Variants in PTGER3 observed in about 807,000 individuals in gnomAD.
PTGER3 encodes prostaglandin E receptor 3.
Under a neutral mutation model 34.7 loss-of-function variants are expected in PTGER3, and 22 were observed. The ratio of observed to expected loss-of-function variants is 0.63; its 90% CI spans 0.45 to 0.91. The LOEUF is 0.91. PTGER3 is among the 40% of genes least tolerant of loss of function. PTGER3 has a pLI of 0.00. For missense variants in PTGER3, 468 were observed against 519.4 expected (o/e 0.90, Z 0.96); for synonymous variants, 241 against 230.1 (o/e 1.05, Z -0.43).
intron 4 of PTGER3, among the ~76,000 whole-genome samples, chr1:70,874,523 T>C (rs923069364): frequency 1.3e-5 from 2 of 152,246 alleles, no homozygotes; most frequent in African/African-American, 4.8e-5. Flanking sequence ...GTTAGGCCTC[T>C]CTGTGTTCTA....
At chr1:70,909,888 A>G (rs969341325) in intron 4 of PTGER3, among the ~76,000 whole-genome samples, 1 of 152,244 alleles carries the variant, frequency 6.6e-6, no homozygotes. Flanking sequence ...AGAATCAGAA[A>G]GAACTGATTT....
intron 4 of PTGER3, among the ~76,000 whole-genome samples, chr1:70,944,402 G>T (rs1438186677): frequency 2.0e-5 from 3 of 152,080 alleles, no homozygotes; most frequent in Non-Finnish European, 2.9e-5. Context: ...ACCATGAAAA[G>T]AGTACCTTTG....
chr1:70,869,300 C>T (rs1286859183), intron 4 of PTGER3: 2 of 471,708 alleles, frequency 4.2e-6, no homozygotes, highest in South Asian at 1.5e-5. Context: ...ACAAAAACAC[C>T]TTCCATCAGG....
At chr1:71,014,911 T>C (rs3765892) in intron 1 of PTGER3, among the ~76,000 whole-genome samples, 49,388 of 152,012 alleles carry the variant, frequency 0.32, 8,874 homozygotes, top group South Asian at 0.45. Context: ...ATCATCAATG[T>C]CTTCCCATTG....
rs1487698090 is a variant in PTGER3, at chr1:71,012,384, C to A, written c.998G>T (p.Arg333Leu). ...CAAGATCTGGTTCAGTGAAGCCAGGCGAACAGCTATTAAGAAGAAGTTGCA... is the reference window on the plus strand; with the variant it reads ...CAAGATCTGGTTCAGTGAAGCCAGGAGAACAGCTATTAAGAAGAAGTTGCA... The part of the protein sequence containing the change: ...KECNFFLIAV[R>L]LASLNQILDP... The change falls in exon 2 of 4, where the codon CGC becomes CTC. Residue 333 changes from arginine to leucine, a missense_variant. Coordinates refer to ENST00000306666, the MANE Select transcript of PTGER3 (RefSeq NM_198719.2). The A allele has an allele frequency of 6.2e-7, 1 of 1,614,152 alleles. No individual in the cohort carries two copies. The highest frequency in any genetic ancestry group is 8.5e-7 in the Non-Finnish European group (1 of 1,180,012).
intron 4 of PTGER3, among the ~76,000 whole-genome samples, chr1:70,923,260 A>G (rs890747994): frequency 9.9e-5 from 15 of 152,058 alleles, no homozygotes; most frequent in Admixed American, 3.9e-4. Context: ...ATATGTTCCA[A>G]AATTATGGGA....
intron 4 of PTGER3, among the ~76,000 whole-genome samples, chr1:70,898,641 T>A (rs1365964217): frequency 6.6e-6 from 1 of 152,192 alleles, no homozygotes; most frequent in African/African-American, 2.4e-5. Context: ...GGCCACTTAC[T>A]AGCTATGTAC....
At chr1:71,027,933 C>A (rs1307805085) in intron 1 of PTGER3, among the ~76,000 whole-genome samples, 2 of 152,140 alleles carry the variant, frequency 1.3e-5, no homozygotes, top group Non-Finnish European at 2.9e-5. Context: ...AGGCAAATAA[C>A]CATATGTGGC....
At chr1:71,030,844 T>G (rs1318786688) in intron 1 of PTGER3, among the ~76,000 whole-genome samples, 2 of 152,098 alleles carry the variant, frequency 1.3e-5, no homozygotes, top group Admixed American at 6.6e-5. Flanking sequence ...TGATTTTTTT[T>G]TTACTATTCT....
At chr1:71,022,361 G>A (rs1658495112) in intron 1 of PTGER3, among the ~76,000 whole-genome samples, 1 of 151,808 alleles carries the variant, frequency 6.6e-6, no homozygotes, top group Non-Finnish European at 1.5e-5. Context: ...AATTAATTAT[G>A]GCTTACTAAA....
At chr1:70,981,208 G>A (rs2100722710) in intron 2 of PTGER3, among the ~76,000 whole-genome samples, 1 of 151,828 alleles carries the variant, frequency 6.6e-6, no homozygotes, top group Non-Finnish European at 1.5e-5. Flanking sequence ...TCCAACTCCA[G>A]CCTACACACT....
chr1:70,916,706 A>G (rs576242736), intron 4 of PTGER3, among the ~76,000 whole-genome samples: 180 of 152,180 alleles, frequency 1.2e-3, no homozygotes, highest in African/African-American at 4.1e-3. Context: ...TGGGAACAAT[A>G]GATACTGCAG....
intron 2 of PTGER3, among the ~76,000 whole-genome samples, chr1:70,989,053 A>C (rs1199012404): frequency 6.6e-6 from 1 of 152,096 alleles, no homozygotes; most frequent in East Asian, 1.9e-4. Context: ...AACTTGTACA[A>C]TATTTTGACA....
At chr1:70,980,558 A>G (rs1352985839) in intron 2 of PTGER3, among the ~76,000 whole-genome samples, 1 of 151,928 alleles carries the variant, frequency 6.6e-6, no homozygotes, top group Non-Finnish European at 1.5e-5. Flanking sequence ...GAGCCTAGGA[A>G]TTTGAGGGAT....
intron 2 of PTGER3, among the ~76,000 whole-genome samples, chr1:70,983,669 C>T (rs764666869): frequency 1.5e-4 from 23 of 152,264 alleles, no homozygotes; most frequent in South Asian, 2.1e-4. Context: ...GTGATAACCA[C>T]GCACACCTGG....
intron 2 of PTGER3, among the ~76,000 whole-genome samples, chr1:70,963,303 G>A (rs895642472): frequency 1.3e-5 from 2 of 152,190 alleles, no homozygotes; most frequent in South Asian, 4.2e-4. Context: ...ACATTCTGGG[G>A]TCTGCAGGAT....
chr1:70,984,583 C>A (rs554416472), intron 2 of PTGER3, among the ~76,000 whole-genome samples: 1 of 151,948 alleles, frequency 6.6e-6, no homozygotes, highest in Non-Finnish European at 1.5e-5. Context: ...GTCAGGTGTG[C>A]TGGTGTGAGC....
intron 4 of PTGER3, among the ~76,000 whole-genome samples, chr1:70,898,691 C>T (rs113885609): frequency 6.6e-6 from 1 of 152,072 alleles, no homozygotes; most frequent in Non-Finnish European, 1.5e-5. Context: ...TCAGTTTTCT[C>T]CTCTGTGAAA....
At chr1:71,036,563 C>A (rs6679003) in intron 1 of PTGER3, among the ~76,000 whole-genome samples, 136,788 of 152,008 alleles carry the variant, frequency 0.9, 61,576 homozygotes, top group East Asian at 0.96. Flanking sequence ...GAAAGGGGCC[C>A]GGCACAGTGG....
Sources: gnomAD v4.1 joint callset for allele counts (sites outside exome capture counted in the v4.1 genomes callset) on GRCh38, gnomAD v4.1.1 for gene constraint, MANE v1.5 for transcripts, NCBI Gene and HGNC (gene_info 2026-07-23, HGNC 2026-07-21) for gene names.